SPAST: variants seen among roughly 807,000 people sequenced by gnomAD.
SPAST encodes the protein spastic paraplegia 4 (autosomal dominant; spastin).
A neutral mutation model predicts 76.6 loss-of-function variants in SPAST; 30 were observed. The observed-to-expected ratio is 0.39, with a 90% CI of 0.29 to 0.53. SPAST has a LOEUF of 0.53. Among genes scored for constraint, SPAST ranks in the 20% least tolerant of loss-of-function variants. The probability of loss-of-function intolerance (pLI) is 0.68; values close to 1 mark genes in which losing one functional copy is unlikely to be tolerated. For missense variants in SPAST, 717 were observed against 770.5 expected (o/e 0.93, Z 0.82); for synonymous variants, 305 against 281.0 (o/e 1.09, Z -0.86).
At chr2:32,154,082 A>G (rs1302508431) in intron 16 of SPAST, among the ~76,000 whole-genome samples, 2 of 152,148 alleles carry the variant, frequency 1.3e-5, no homozygotes, top group Non-Finnish European at 2.9e-5. Flanking sequence ...CTTTTCTATA[A>G]ATGATTGTGT....
At chr2:32,080,106 T>C (rs767440847) in intron 1 of SPAST, among the ~76,000 whole-genome samples, 11 of 152,208 alleles carry the variant, frequency 7.2e-5, no homozygotes, top group Non-Finnish European at 1.2e-4. Flanking sequence ...TTTAAAATAA[T>C]AGTCATCCTA....
At chr2:32,065,507 A>G (rs1168970617) in intron 1 of SPAST, among the ~76,000 whole-genome samples, 1 of 152,220 alleles carries the variant, frequency 6.6e-6, no homozygotes, top group East Asian at 1.9e-4. Flanking sequence ...AATGAGGCCC[A>G]AAAGATAAAG....
Position 32,064,263 on chromosome 2 carries a change from GGGAGGGGGCGGCGGCGCCGGGAAGAAGGC to G in SPAST, c.415+20_415+48del. On this transcript the variant is annotated intron_variant, in intron 1 of 16. Coordinates refer to ENST00000315285, the MANE Select transcript of SPAST (RefSeq NM_014946.4). ...ATGAGAAAGGTAACTAGGGGGCTGG[GGGAGGGGGCGGCGGCGCCGGGAAGAAGGC>G]GGTGGGGTCGCCGGGGGAGGGCAAC... 2.0e-6 allele frequency: 3 copies of G among 1,537,784 alleles called. No homozygotes were observed. The highest frequency in any genetic ancestry group is 1.2e-5 in the South Asian group (1 of 83,714).
intron 12 of SPAST, among the ~76,000 whole-genome samples, chr2:32,137,908 T>G (rs763116161): frequency 6.6e-6 from 1 of 152,194 alleles, no homozygotes; most frequent in Non-Finnish European, 1.5e-5. Context: ...GAACATGAGC[T>G]ATTTGGTTTA....
rs1558339849 is a variant in SPAST at position 32,141,896 on chromosome 2, T to C, written c.1494-8T>C. 1.2e-6 allele frequency: 2 copies of C among 1,609,024 alleles called. No homozygotes were observed. Among genetic ancestry groups the C allele is most frequent in the Non-Finnish European group, 8.5e-7 (1 of 1,176,792 alleles). On this transcript the variant is annotated splice_polypyrimidine_tract_variant and splice_region_variant and intron_variant, in intron 12 of 16. Coordinates refer to ENST00000315285, the MANE Select transcript of SPAST (RefSeq NM_014946.4). The stretch of plus-strand genomic sequence containing the variant: ...ATATTTCTAAAAGTGCTGGATTTTT[T>C]TTTTTAGGCGTTTCATCAAACGGGT...
At chr2:32,082,947 ATTG>A (rs891675406) in intron 1 of SPAST, among the ~76,000 whole-genome samples, 4 of 151,548 alleles carry the variant, frequency 2.6e-5, no homozygotes, top group African/African-American at 7.3e-5. Flanking sequence ...TGTTTTTGTT[ATTG>A]TTGTTGTTGT....
intron 15 of SPAST, among the ~76,000 whole-genome samples, chr2:32,145,774 A>G (rs1679865309): frequency 6.6e-6 from 1 of 152,198 alleles, no homozygotes; most frequent in Admixed American, 6.5e-5. Context: ...ACTCACACAG[A>G]TATTTTCAGC....
chr2:32,114,954 TA>T, intron 5 of SPAST, 129 bp downstream of exon 5: 3 of 632,486 alleles, frequency 4.7e-6, no homozygotes, highest in Admixed American at 3.7e-5. Context: ...TCCATAAAGT[TA>T]AATTTTTTTT....
chr2:32,108,360 C>T (rs1678403665), intron 4 of SPAST, among the ~76,000 whole-genome samples: 2 of 152,128 alleles, frequency 1.3e-5, no homozygotes, highest in Admixed American at 1.3e-4. Context: ...CACGTAGCAA[C>T]TTTCACCCGT....
chr2:32,114,072 T>G (rs1266293534), intron 4 of SPAST, among the ~76,000 whole-genome samples: 2 of 152,018 alleles, frequency 1.3e-5, no homozygotes, highest in Non-Finnish European at 2.9e-5. Flanking sequence ...GCCTCCCAGG[T>G]AGCTGGGATT....
chr2:32,063,998 C>T lies in SPAST; in HGVS notation c.167C>T (p.Pro56Leu), dbSNP rs1676399509. ...HKRNLYYFSY[P>L]LFVGFALLRL... ...CGGAACCTGTACTATTTCTCCTACC[C>T]GCTGTTTGTAGGCTTCGCGCTGCTG... is the stretch of plus-strand genomic sequence containing the variant. Residue 56 changes from proline to leucine, a missense_variant, in exon 1 of 17, where the codon CCG becomes CTG. Physicochemically the swap from Pro to Leu is moderately conservative, Grantham distance 98 (BLOSUM62 -3). Coordinates refer to ENST00000315285, the MANE Select transcript of SPAST (RefSeq NM_014946.4). 4 of 1,613,472 alleles carry T rather than the reference C, an allele frequency of 2.5e-6. No homozygotes were observed. The highest frequency in any genetic ancestry group is 2.2e-5 in the South Asian group (2 of 91,060).
chr2:32,128,298 T>C, intron 8 of SPAST, 110 bp from the exon 9 acceptor site: 2 of 844,754 alleles, frequency 2.4e-6, no homozygotes, highest in Non-Finnish European at 1.9e-6. Context: ...CCTGGCCTCA[T>C]AGCTTACATT....
At chr2:32,092,559 A>G (rs1251033593) in intron 3 of SPAST, among the ~76,000 whole-genome samples, 1 of 152,222 alleles carries the variant, frequency 6.6e-6, no homozygotes, top group Non-Finnish European at 1.5e-5. Context: ...GTGTTAGTAG[A>G]GGAGAGAACA....
intron 1 of SPAST, among the ~76,000 whole-genome samples, chr2:32,072,167 T>G (rs216539): frequency 1.3e-5 from 2 of 152,082 alleles, no homozygotes; most frequent in African/African-American, 4.8e-5. Context: ...CTCAGCCTCC[T>G]GAGTAGCTGG....
At chr2:32,126,685 C>T in intron 7 of SPAST, 1 of 311,522 alleles carries the variant, frequency 3.2e-6, no homozygotes, top group South Asian at 5.9e-5. Flanking sequence ...CAGAGTTCCC[C>T]TATGTTGCCC....
chr2:32,146,570 A>C (rs529698824), intron 15 of SPAST, among the ~76,000 whole-genome samples: 1 of 151,160 alleles, frequency 6.6e-6, no homozygotes, highest in South Asian at 2.1e-4. Flanking sequence ...TGCTGTCTTA[A>C]AAAGTAAATA....
chr2:32,130,822 T>G, intron 9 of SPAST, among the ~76,000 whole-genome samples: 1 of 152,180 alleles, frequency 6.6e-6, no homozygotes, highest in Non-Finnish European at 1.5e-5. Context: ...AATTTTACTG[T>G]CTACAGTTTT....
intron 7 of SPAST, among the ~76,000 whole-genome samples, chr2:32,122,472 C>T (rs184843174): frequency 2.7e-4 from 41 of 152,224 alleles, no homozygotes; most frequent in Admixed American, 2.7e-3. Context: ...TAGGCATGCA[C>T]CACCACGCCT....
chr2:32,147,736 A>G (rs1042729415), intron 16 of SPAST, among the ~76,000 whole-genome samples: 1 of 151,722 alleles, frequency 6.6e-6, no homozygotes, highest in African/African-American at 2.4e-5. Flanking sequence ...GGTTCACGCC[A>G]TTCTCCTGCC....
Sources: allele counts gnomAD v4.1 joint callset (sites outside exome capture counted in the v4.1 genomes callset), GRCh38; gene constraint gnomAD v4.1.1; transcripts MANE v1.5; gene names NCBI Gene and HGNC (gene_info 2026-07-23, HGNC 2026-07-21).